DNAAF9: variants seen among roughly 807,000 people sequenced by gnomAD.
The protein encoded by DNAAF9 is shulin.
A neutral mutation model predicts 167.0 loss-of-function variants in DNAAF9; 90 were observed. That is an observed-to-expected ratio of 0.54 (90% CI 0.45 to 0.64). DNAAF9 has a LOEUF of 0.64. Ranked by LOEUF, DNAAF9 falls within the 30% of genes least tolerant of loss-of-function variation. The pLI is 0.00. For missense variants in DNAAF9, 1,315 were observed against 1,442.2 expected (o/e 0.91, Z 1.43); for synonymous variants, 491 against 508.8 (o/e 0.96, Z 0.47).
intron 1 of DNAAF9, among the ~76,000 whole-genome samples, chr20:3,383,692 A>C (rs1291367517): frequency 6.6e-6 from 1 of 151,662 alleles, no homozygotes; most frequent in Non-Finnish European, 1.5e-5. Flanking sequence ...CCCATCCCTT[A>C]CTGAATCTCC....
intron 16 of DNAAF9, among the ~76,000 whole-genome samples, chr20:3,319,082 CAAAA>C (rs71195834): frequency 1.4e-5 from 1 of 71,132 alleles, no homozygotes; most frequent in African/African-American, 6.2e-5. Context: ...GACTCTGTCT[CAAAA>C]AAAAAAAAAA....
At chr20:3,400,895 A>G (rs1473374688) in intron 1 of DNAAF9, among the ~76,000 whole-genome samples, 1 of 152,242 alleles carries the variant, frequency 6.6e-6, no homozygotes, top group Non-Finnish European at 1.5e-5. Context: ...ATAAAGCCAT[A>G]CAAGTCTAAG....
chr20:3,381,827 T>C (rs889370701), intron 2 of DNAAF9, among the ~76,000 whole-genome samples: 1 of 152,204 alleles, frequency 6.6e-6, no homozygotes, highest in Admixed American at 6.5e-5. Flanking sequence ...CAAAGAGATC[T>C]TTACCAAAAC....
intron 21 of DNAAF9, among the ~76,000 whole-genome samples, chr20:3,302,647 C>A (rs1057056097): frequency 1.3e-5 from 2 of 152,156 alleles, no homozygotes; most frequent in African/African-American, 4.8e-5. Context: ...ATGGATGAAT[C>A]TAAAAATCAC....
Position 3,315,005 on chromosome 20 carries a change from C to A in DNAAF9, c.1678+28G>T. On this transcript the variant is annotated intron_variant, in intron 20 of 36. Transcript: ENST00000252032. The surrounding 1 kb of genome is among the most constrained non-coding windows in gnomAD (Gnocchi z 4.1). ...TGCAAATGAGGGACCCAGACATGGCCAAAAACATTAAAGTCATAGCTCCTT... is the reference window on the plus strand; with the variant it reads ...TGCAAATGAGGGACCCAGACATGGCAAAAAACATTAAAGTCATAGCTCCTT... The A allele has an allele frequency of 7.1e-7, 1 of 1,410,004 alleles. No individual in the cohort carries two copies. Among genetic ancestry groups the A allele is most frequent in the Non-Finnish European group, 1.0e-6 (1 of 997,964 alleles). The allele number at this position is 1,410,004 out of a possible 1,614,324, so 87.3% of individuals were successfully genotyped here.
At chr20:3,270,893 A>G (rs1164404473) in intron 29 of DNAAF9, among the ~76,000 whole-genome samples, 1 of 150,036 alleles carries the variant, frequency 6.7e-6, no homozygotes, top group Non-Finnish European at 1.5e-5. Flanking sequence ...GCTTACTGCA[A>G]CCTCAGCCTC....
intron 6 of DNAAF9, among the ~76,000 whole-genome samples, chr20:3,366,103 T>C (rs2083429620): frequency 1.3e-5 from 2 of 152,352 alleles, no homozygotes; most frequent in African/African-American, 2.4e-5. Context: ...CTATGAATCA[T>C]GAATGCCCTT....
intron 7 of DNAAF9, among the ~76,000 whole-genome samples, chr20:3,352,104 A>G (rs2070336842): frequency 6.6e-6 from 1 of 152,162 alleles, no homozygotes. Flanking sequence ...GCAAATGCAT[A>G]AGTATTATTT....
At chr20:3,345,319 G>C (rs1230363379) in intron 8 of DNAAF9, among the ~76,000 whole-genome samples, 1 of 152,152 alleles carries the variant, frequency 6.6e-6, no homozygotes, top group Non-Finnish European at 1.5e-5. Flanking sequence ...AAAAACTATA[G>C]ATTAACATTA....
At chr20:3,291,009 G>T (rs1299070634) in intron 25 of DNAAF9, among the ~76,000 whole-genome samples, 3 of 151,616 alleles carry the variant, frequency 2.0e-5, no homozygotes, top group Non-Finnish European at 4.4e-5. Context: ...GGCTGGTCTC[G>T]AACTCCTGAC....
At chr20:3,277,779 G>A (rs1394364065) in intron 29 of DNAAF9, among the ~76,000 whole-genome samples, 1 of 152,176 alleles carries the variant, frequency 6.6e-6, no homozygotes, top group Non-Finnish European at 1.5e-5. Context: ...ACCTCTGAAA[G>A]CTGGACCTGA....
At chr20:3,348,846 T>C (rs1423324748) in intron 7 of DNAAF9, among the ~76,000 whole-genome samples, 2 of 152,066 alleles carry the variant, frequency 1.3e-5, no homozygotes, top group Non-Finnish European at 2.9e-5. Flanking sequence ...TGATATGTGG[T>C]CCAGTCATAT....
rs575318745 is a variant in DNAAF9, at chr20:3,368,325, T to C, written c.612+5723A>G. Among the ~76,000 whole-genome samples the C allele has an allele frequency of 3.9e-5, 6 of 152,200 alleles. No individual in the cohort carries two copies. In the South Asian group the frequency reaches 1.0e-3, roughly 26 times the overall value. ...AGCTAGTACCATCAAGGGGCTCACA[T>C]TGATTGTTTCCGTCTCTCAGGGAAT... On this transcript the variant is annotated intron_variant, in intron 6 of 36. Coordinates refer to ENST00000252032, the MANE Select transcript of DNAAF9 (RefSeq NM_001009984.3).
chr20:3,401,467 C>A lies in DNAAF9; in HGVS notation c.83+6008G>T, dbSNP rs546765077. On this transcript the variant is annotated intron_variant, in intron 1 of 36. Coordinates refer to ENST00000252032, the MANE Select transcript of DNAAF9 (RefSeq NM_001009984.3). ...CACCCACCTCGGTCTCCCAAAGTGC[C>A]GGGATTACAGGCATAAGCCACAGCA... Among the ~76,000 whole-genome samples the A allele has an allele frequency of 2.1e-3, 325 of 152,164 alleles. 1 individual carries two copies. Among genetic ancestry groups the A allele is most frequent in the African/African-American group, 7.4e-3 (307 of 41,500 alleles).
chr20:3,365,921 G>T (rs919235132), intron 6 of DNAAF9, among the ~76,000 whole-genome samples: 4 of 152,132 alleles, frequency 2.6e-5, no homozygotes, highest in African/African-American at 9.7e-5. Flanking sequence ...ACATAAGATT[G>T]CAGCAAGTCA....
chr20:3,297,816 C>A (rs1376797779), intron 22 of DNAAF9, among the ~76,000 whole-genome samples: 1 of 152,116 alleles, frequency 6.6e-6, no homozygotes, highest in Non-Finnish European at 1.5e-5. Context: ...GCTAAAAACC[C>A]TCTTGTTCAG....
chr20:3,343,110 A>G (rs560539335), intron 9 of DNAAF9, among the ~76,000 whole-genome samples: 73 of 152,156 alleles, frequency 4.8e-4, no homozygotes, highest in Non-Finnish European at 8.1e-4. Flanking sequence ...CATTTTCCTG[A>G]GCCAGGAATG....
chr20:3,284,027 G>A (rs558443999), intron 27 of DNAAF9, among the ~76,000 whole-genome samples: 19 of 152,132 alleles, frequency 1.2e-4, no homozygotes, highest in African/African-American at 4.3e-4. Flanking sequence ...AAGAGAGAAG[G>A]CCCCAGGCCA....
intron 1 of DNAAF9, among the ~76,000 whole-genome samples, chr20:3,401,118 T>C (rs1322182795): frequency 2.0e-5 from 3 of 152,230 alleles, no homozygotes; most frequent in African/African-American, 4.8e-5. Context: ...TAATGGCAAC[T>C]AGCTAAGAAA....
Sources: gnomAD v4.1 joint callset for allele counts (sites outside exome capture counted in the v4.1 genomes callset) on GRCh38, gnomAD v4.1.1 for gene constraint, Gnocchi (gnomAD v3.1) non-coding constraint, MANE v1.5 for transcripts, NCBI Gene and HGNC (gene_info 2026-07-23, HGNC 2026-07-21) for gene names.